The following LRP1B variants were observed in gnomAD, a reference collection of about 807,000 sequenced individuals.
The protein encoded by LRP1B is LDL receptor related protein 1B.
Under a neutral mutation model 556.6 loss-of-function variants are expected in LRP1B, and 217 were observed. That is an observed-to-expected ratio of 0.39 (90% CI 0.35 to 0.44). LRP1B has a LOEUF of 0.44. LRP1B is among the 20% of genes least tolerant of loss of function. The pLI is 1.00. For synonymous variants in LRP1B, 2,047 were observed against 1,865.8 expected, an observed-to-expected ratio of 1.10 and a Z score of -2.50; for missense variants, 5,053 against 5,620.8, an observed-to-expected ratio of 0.90 and a Z score of 3.23.
intron 41 of LRP1B, among the ~76,000 whole-genome samples, chr2:140,652,577 C>G (rs1413329745): frequency 6.6e-6 from 1 of 151,954 alleles, no homozygotes; most frequent in Non-Finnish European, 1.5e-5. Flanking sequence ...ACTTCACACC[C>G]CTCTATAGGA....
chr2:141,677,304 G>C (rs1371350500), intron 2 of LRP1B, among the ~76,000 whole-genome samples: 1 of 152,092 alleles, frequency 6.6e-6, no homozygotes, highest in East Asian at 1.9e-4. Context: ...AAGGGAAACA[G>C]AGGCAGGAAA....
intron 1 of LRP1B, among the ~76,000 whole-genome samples, chr2:141,931,424 A>C (rs1262218790): frequency 6.6e-6 from 1 of 152,026 alleles, no homozygotes; most frequent in African/African-American, 2.4e-5. Flanking sequence ...TAGGGAGGTC[A>C]GGAAAGGTTT....
At chr2:141,513,771 A>G (rs1684211442) in intron 2 of LRP1B, among the ~76,000 whole-genome samples, 1 of 152,004 alleles carries the variant, frequency 6.6e-6, no homozygotes, top group South Asian at 2.1e-4. Flanking sequence ...CACTCCAGAT[A>G]GGGCCTTTCA....
At chr2:141,181,983 C>G (rs1033258683) in intron 7 of LRP1B, among the ~76,000 whole-genome samples, 1 of 151,968 alleles carries the variant, frequency 6.6e-6, no homozygotes, top group Non-Finnish European at 1.5e-5. Context: ...GAAACACATA[C>G]TTTCTCACCC....
chr2:140,874,819 G>C (rs527281987), intron 25 of LRP1B, among the ~76,000 whole-genome samples: 118 of 151,804 alleles, frequency 7.8e-4, no homozygotes, highest in Non-Finnish European at 5.4e-4. Context: ...AGGAGTTCAA[G>C]GCCAGCCTGA....
chr2:141,671,328 C>T (rs1022886319), intron 2 of LRP1B, among the ~76,000 whole-genome samples: 1 of 151,960 alleles, frequency 6.6e-6, no homozygotes, highest in Admixed American at 6.6e-5. Context: ...AGTTCATGTG[C>T]GAATGTTTAA....
At chr2:140,841,437 T>C (rs1692102015) in intron 29 of LRP1B, among the ~76,000 whole-genome samples, 1 of 152,174 alleles carries the variant, frequency 6.6e-6, no homozygotes, top group Non-Finnish European at 1.5e-5. Context: ...CTCCAGTTGA[T>C]AGCACATCTT....
rs192787786 is a variant in LRP1B, at chr2:140,510,574, C to T, written c.8270-518G>A. 2.0e-5 allele frequency among the ~76,000 whole-genome samples: 3 copies of T among 152,288 alleles called. No individual in the cohort carries two copies. In the East Asian group the frequency reaches 5.8e-4, roughly 29 times the overall value. ...CTTGCAGAAAGTCACAAGTTGCACGCAATTTTGCATGCTCAACTGGGAGTC... is the reference window on the plus strand; with the variant it reads ...CTTGCAGAAAGTCACAAGTTGCACGTAATTTTGCATGCTCAACTGGGAGTC... On this transcript the variant is annotated intron_variant, in intron 51 of 90. Coordinates refer to ENST00000389484, the MANE Select transcript of LRP1B (RefSeq NM_018557.3).
At chr2:140,911,847 C>A (rs111337186) in intron 21 of LRP1B, among the ~76,000 whole-genome samples, 2,985 of 151,764 alleles carry the variant, frequency 0.02, 67 homozygotes, top group Non-Finnish European at 0.025. Flanking sequence ...TCCAAAATGA[C>A]CTTAGAATTG....
chr2:140,527,193 C>T (rs1355865403), intron 47 of LRP1B, among the ~76,000 whole-genome samples: 1 of 151,704 alleles, frequency 6.6e-6, no homozygotes, highest in South Asian at 2.1e-4. Flanking sequence ...AGTTGCTTAC[C>T]CATTGATAAT....
intron 66 of LRP1B, among the ~76,000 whole-genome samples, chr2:140,410,335 T>A (rs1034651705): frequency 4.6e-5 from 7 of 152,064 alleles, no homozygotes; most frequent in Non-Finnish European, 7.4e-5. Context: ...GGCTGCATAG[T>A]CAACAAAGTA....
At chr2:140,815,858 G>T (rs1963394) in intron 31 of LRP1B, among the ~76,000 whole-genome samples, 67,325 of 142,760 alleles carry the variant, frequency 0.47, 16,395 homozygotes, top group East Asian at 0.61. Flanking sequence ...AGGGAAGAAT[G>T]TTGTCTCTCT....
At chr2:141,377,225 G>A (rs532483819) in intron 3 of LRP1B, among the ~76,000 whole-genome samples, 7 of 151,790 alleles carry the variant, frequency 4.6e-5, no homozygotes, top group Admixed American at 6.6e-5. Flanking sequence ...ATATATTTTC[G>A]AAATATATTC....
intron 6 of LRP1B, among the ~76,000 whole-genome samples, chr2:141,217,865 G>C (rs1160039021): frequency 6.6e-6 from 1 of 151,876 alleles, no homozygotes; most frequent in Admixed American, 6.6e-5. Flanking sequence ...AATCTTTAAG[G>C]AACTTTAAGG....
chr2:140,873,445 TTATAAAC>T (rs939099243), intron 25 of LRP1B, among the ~76,000 whole-genome samples: 3 of 152,112 alleles, frequency 2.0e-5, no homozygotes, highest in East Asian at 1.9e-4. Context: ...CAAAGCTAAA[TTATAAAC>T]TATAAACTAT....
chr2:140,624,454 A>T (rs955104890), intron 41 of LRP1B, among the ~76,000 whole-genome samples: 1 of 152,108 alleles, frequency 6.6e-6, no homozygotes, highest in Non-Finnish European at 1.5e-5. Context: ...AATCCTCAAC[A>T]ATGATTCATC....
chr2:141,826,063 T>C (rs1260963585), intron 1 of LRP1B, among the ~76,000 whole-genome samples: 1 of 152,026 alleles, frequency 6.6e-6, no homozygotes, highest in East Asian at 1.9e-4. Flanking sequence ...TATATTTAGT[T>C]AAAATAAGAA....
At chr2:141,734,650 C>T (rs1441714910) in intron 2 of LRP1B, among the ~76,000 whole-genome samples, 1 of 152,050 alleles carries the variant, frequency 6.6e-6, no homozygotes, top group Non-Finnish European at 1.5e-5. Flanking sequence ...TTCAGTTCTC[C>T]TATTTTTTAA....
chr2:141,803,188 A>G (rs1441361891), intron 2 of LRP1B, among the ~76,000 whole-genome samples: 1 of 148,328 alleles, frequency 6.7e-6, no homozygotes, highest in East Asian at 2.0e-4. Flanking sequence ...TGTGAATTGT[A>G]CTTCCATCAC....
Sources: allele counts gnomAD v4.1 joint callset (sites outside exome capture counted in the v4.1 genomes callset), GRCh38; gene constraint gnomAD v4.1.1; transcripts MANE v1.5; gene names NCBI Gene and HGNC (gene_info 2026-07-23, HGNC 2026-07-21).